PEF1: variants seen among roughly 807,000 people sequenced by gnomAD.
The protein encoded by PEF1 is peflin.
PEF1 carries 17 observed loss-of-function variants against 32.0 expected under a neutral mutation model. The observed-to-expected ratio is 0.53, with a 90% CI of 0.36 to 0.80. The LOEUF (loss-of-function observed/expected upper bound fraction) is 0.80. PEF1 is among the 30% of genes least tolerant of loss of function. The pLI is 0.00. For synonymous variants in PEF1, 130 were observed against 139.8 expected, an observed-to-expected ratio of 0.93 and a Z score of 0.50; for missense variants, 362 against 369.1, an observed-to-expected ratio of 0.98 and a Z score of 0.16.
intron 1 of PEF1, among the ~76,000 whole-genome samples, chr1:31,642,904 T>C (rs1570285657): frequency 1.3e-5 from 2 of 152,232 alleles, no homozygotes; most frequent in African/African-American, 2.4e-5. Context: ...TCCAGGGGTA[T>C]ATAACTATTA....
At chr1:31,632,013 C>A (rs1640118228) in intron 4 of PEF1, among the ~76,000 whole-genome samples, 1 of 152,230 alleles carries the variant, frequency 6.6e-6, no homozygotes, top group Non-Finnish European at 1.5e-5. Flanking sequence ...GGGGCTGTGG[C>A]CTCAGGTCAT....
chr1:31,634,484 A>G (rs960738692), intron 2 of PEF1, among the ~76,000 whole-genome samples: 23 of 152,216 alleles, frequency 1.5e-4, no homozygotes, highest in African/African-American at 5.5e-4. Flanking sequence ...CTCAGCAAAG[A>G]GCCTGGAATG....
chr1:31,634,214 G>C (rs1477906861), intron 2 of PEF1, among the ~76,000 whole-genome samples: 1 of 152,202 alleles, frequency 6.6e-6, no homozygotes, highest in Non-Finnish European at 1.5e-5. Context: ...TAAAACATCG[G>C]TGTCATAGGG....
chr1:31,630,952 C>G (rs1277339366), intron 4 of PEF1, 110 bp from the exon 5 acceptor site: 19 of 897,974 alleles, frequency 2.1e-5, no homozygotes, highest in Non-Finnish European at 3.1e-5. Context: ...AGGATGGGCA[C>G]AGAAGCACAA....
At chr1:31,634,907 A>G (rs1228592158) in intron 2 of PEF1, 1 of 529,636 alleles carries the variant, frequency 1.9e-6, no homozygotes, top group South Asian at 1.5e-5. Context: ...CAAAGATAAC[A>G]TATCCCAAAC....
At chr1:31,633,517 G>T (rs1640173542) in intron 2 of PEF1, among the ~76,000 whole-genome samples, 2 of 152,198 alleles carry the variant, frequency 1.3e-5, no homozygotes. Context: ...TATTCCATGA[G>T]TCCTCTGGAG....
chr1:31,644,664 A>G, intron 1 of PEF1, 177 bp downstream of exon 1: 2 of 1,460,910 alleles, frequency 1.4e-6, no homozygotes, highest in African/African-American at 1.4e-5. Context: ...GCGGTCCTTC[A>G]TGACGTGAGC....
Position 31,635,513 on chromosome 1 carries a change from C to T in PEF1, c.34G>A (p.Gly12Arg), listed in dbSNP as rs867319495. 6.6e-7 allele frequency: 1 copy of T among 1,512,912 alleles called. No individual in the cohort carries two copies. The highest frequency in any genetic ancestry group is 2.3e-5 in the Admixed American group (1 of 44,204). The allele number at this position is 1,512,912 out of a possible 1,614,324, so 93.7% of individuals were successfully genotyped here. Residue 12 changes from glycine (G) to arginine (R), a missense_variant, in exon 2 of 5, where the codon GGA becomes AGA. By Grantham distance (125) the Gly-to-Arg change is moderately radical (BLOSUM62 -2). Transcript: ENST00000373703. ...ASYPYRQGCP[G>R]AAGQAPGAPP... ...GCTCCTGGTGCTTGTCCTGCAGCTC[C>T]TGGGCAGCCCTGCAGGAAGAGCAAG...
chr1:31,644,494 T>C (rs1640495835), intron 1 of PEF1: 1 of 1,269,340 alleles, frequency 7.9e-7, no homozygotes, highest in African/African-American at 1.5e-5. Flanking sequence ...ACCAGAACTC[T>C]AAACCTCCGG....
chr1:31,634,023 C>T (rs1339055955), intron 2 of PEF1, among the ~76,000 whole-genome samples: 5 of 151,824 alleles, frequency 3.3e-5, no homozygotes, highest in African/African-American at 1.2e-4. Flanking sequence ...TACCTTAGGA[C>T]ACTGAGTTAA....
intron 1 of PEF1, among the ~76,000 whole-genome samples, chr1:31,642,256 A>T (rs1039471136): frequency 6.6e-6 from 1 of 152,214 alleles, no homozygotes; most frequent in African/African-American, 2.4e-5. Flanking sequence ...TAAATAAAAA[A>T]TTTTTTTCAA....
chr1:31,630,518 G>C lies in PEF1; in HGVS notation c.*95C>G, dbSNP rs1640064707. On this transcript the variant is annotated 3_prime_UTR_variant, in exon 5 of 5. Coordinates refer to ENST00000373703, the MANE Select transcript of PEF1 (RefSeq NM_012392.4). The stretch of plus-strand genomic sequence containing the variant: ...TCAAGCAAGGGAGAATGTTCTTCTA[G>C]AGGGACAGGAAAAGAAGAGATGTCC... The C allele has an allele frequency of 1.6e-6, 2 of 1,223,740 alleles. No homozygotes were observed. Among genetic ancestry groups the C allele is most frequent in the Non-Finnish European group, 2.3e-6 (2 of 856,288 alleles). 75.8% of individuals were successfully genotyped at this position (1,223,740 alleles called of 1,614,324 possible).
chr1:31,634,747 G>A (rs1640209692), intron 2 of PEF1: 1 of 418,914 alleles, frequency 2.4e-6, no homozygotes, highest in Non-Finnish European at 4.9e-6. Flanking sequence ...GGCTTGCAGA[G>A]GGGCATCCTT....
intron 1 of PEF1, among the ~76,000 whole-genome samples, chr1:31,640,163 C>G (rs1640358777): frequency 6.6e-6 from 1 of 152,162 alleles, no homozygotes; most frequent in Admixed American, 6.5e-5. Context: ...ACATCTGATG[C>G]CCTGGGGGGA....
intron 1 of PEF1, among the ~76,000 whole-genome samples, chr1:31,641,530 C>T (rs1422979094): frequency 6.6e-6 from 1 of 152,136 alleles, no homozygotes; most frequent in African/African-American, 2.4e-5. Context: ...TATTTCCTAC[C>T]CCTTTCCCCC....
In PEF1 at chr1:31,630,454, G is replaced by C; in HGVS notation, c.*159C>G. Reference sequence around the variant, plus strand: ...CCGGTCCTCACTATTTGGTGGCTATGATGCAGGACTCTCCACCCTCTTTTG... The same window carrying C: ...CCGGTCCTCACTATTTGGTGGCTATCATGCAGGACTCTCCACCCTCTTTTG... On this transcript the variant is annotated 3_prime_UTR_variant, in exon 5 of 5. Coordinates refer to ENST00000373703, the MANE Select transcript of PEF1 (RefSeq NM_012392.4). 1.3e-6 allele frequency: 1 copy of C among 748,608 alleles called. No homozygotes were observed. The highest frequency in any genetic ancestry group is 2.2e-6 in the Non-Finnish European group (1 of 461,334). The allele number at this position is 748,608 out of a possible 1,614,324, so 46.4% of individuals were successfully genotyped here.
At chr1:31,632,433 T>C in intron 4 of PEF1, 62 bp downstream of exon 4, 1 of 1,611,778 alleles carries the variant, frequency 6.2e-7, no homozygotes, top group Non-Finnish European at 8.5e-7. Context: ...TGTTGTATCT[T>C]AGGGTGTAAA....
At chr1:31,643,423 T>C (rs529525165) in intron 1 of PEF1, among the ~76,000 whole-genome samples, 202 of 152,318 alleles carry the variant, frequency 1.3e-3, no homozygotes, top group Non-Finnish European at 2.6e-3. Context: ...GAATGGACTT[T>C]AGGAAGCAAC....
intron 1 of PEF1, chr1:31,644,315 C>A (rs1420991001): frequency 1.0e-6 from 1 of 957,598 alleles, no homozygotes; most frequent in Non-Finnish European, 1.2e-6. Context: ...TGTGTCTTCT[C>A]GGGGTTCACT....
Sources: gnomAD v4.1 joint callset for allele counts (sites outside exome capture counted in the v4.1 genomes callset) on GRCh38, gnomAD v4.1.1 for gene constraint, MANE v1.5 for transcripts, NCBI Gene and HGNC (gene_info 2026-07-23, HGNC 2026-07-21) for gene names.